NRXN3: variants seen among roughly 807,000 people sequenced by gnomAD.
NRXN3 encodes the protein neurexin III.
Under a neutral mutation model 137.6 loss-of-function variants are expected in NRXN3, and 32 were observed. The ratio of observed to expected loss-of-function variants is 0.23; its 90% CI spans 0.18 to 0.31. NRXN3 has a LOEUF of 0.31. Among genes scored for constraint, NRXN3 ranks in the 10% least tolerant of loss-of-function variants. NRXN3 has a pLI of 1.00. For missense variants in NRXN3, 1,574 were observed against 2,062.5 expected (o/e 0.76, Z 4.59); for synonymous variants, 798 against 784.5 (o/e 1.02, Z -0.29).
chr14:78,561,109 G>A (rs553698296), intron 4 of NRXN3, among the ~76,000 whole-genome samples: 14 of 152,310 alleles, frequency 9.2e-5, no homozygotes, highest in Middle Eastern at 3.4e-3. Context: ...TATCTTGGAC[G>A]TTCAGGGACC....
chr14:79,411,562 T>C (rs1048416157), intron 15 of NRXN3, among the ~76,000 whole-genome samples: 2 of 152,126 alleles, frequency 1.3e-5, no homozygotes, highest in African/African-American at 2.4e-5. Context: ...ATTATGACTC[T>C]ACATGCCCTT....
chr14:79,620,855 G>A (rs1487092870), intron 16 of NRXN3, among the ~76,000 whole-genome samples: 1 of 152,082 alleles, frequency 6.6e-6, no homozygotes, highest in African/African-American at 2.4e-5. Context: ...GAATGGATGA[G>A]ACCTGAAGGG....
intron 16 of NRXN3, among the ~76,000 whole-genome samples, chr14:79,485,963 G>A (rs879281828): frequency 7.9e-5 from 12 of 151,966 alleles, no homozygotes; most frequent in Admixed American, 6.6e-4. Flanking sequence ...TTCAAATATG[G>A]CTATGTAATA....
At chr14:78,572,039 C>T (rs2096894679) in intron 4 of NRXN3, among the ~76,000 whole-genome samples, 1 of 152,212 alleles carries the variant, frequency 6.6e-6, no homozygotes, top group African/African-American at 2.4e-5. Flanking sequence ...TGTGAGTAAA[C>T]ACAGAGCACT....
At position 78,350,220 on chromosome 14, in the gene NRXN3, C is replaced by T. The variant is rs375238368; in HGVS notation, c.757+52360C>T. On this transcript the variant is annotated intron_variant, in intron 4 of 20. Coordinates refer to ENST00000335750, the MANE Select transcript of NRXN3 (RefSeq NM_001330195.2). ...AGGAGAATTGCTTGAACCAGGGAGG[C>T]GGAGGTTGCAGTGAGCCGAGGTCAT... is the stretch of plus-strand genomic sequence containing the variant. 1.1e-3 allele frequency among the ~76,000 whole-genome samples: 164 copies of T among 151,230 alleles called. 1 individual carries two copies. In the Middle Eastern group the frequency reaches 0.02, roughly 19 times the overall value.
intron 15 of NRXN3, among the ~76,000 whole-genome samples, chr14:79,206,276 T>A (rs570100837): frequency 6.6e-6 from 1 of 152,212 alleles, no homozygotes; most frequent in African/African-American, 2.4e-5. Flanking sequence ...GTATTAATCC[T>A]TACAAGGGCC....
intron 4 of NRXN3, chr14:78,526,872 C>T (rs1414681269): frequency 4.4e-6 from 2 of 451,932 alleles, no homozygotes; most frequent in Non-Finnish European, 8.8e-6. Context: ...CCCAGAAATA[C>T]ACCAAAGAAG....
chr14:79,187,509 A>G (rs2063678464), intron 15 of NRXN3, among the ~76,000 whole-genome samples: 1 of 152,182 alleles, frequency 6.6e-6, no homozygotes, highest in African/African-American at 2.4e-5. Flanking sequence ...GCACCCCAGA[A>G]TAATTCTGTG....
intron 15 of NRXN3, among the ~76,000 whole-genome samples, chr14:79,135,417 A>G (rs1053110337): frequency 5.3e-5 from 8 of 152,328 alleles, no homozygotes; most frequent in Non-Finnish European, 8.8e-5. Flanking sequence ...AAAAATAAAC[A>G]CATAGATATG....
intron 8 of NRXN3, among the ~76,000 whole-genome samples, chr14:78,736,923 C>T (rs777201657): frequency 2.6e-5 from 4 of 151,572 alleles, no homozygotes; most frequent in Non-Finnish European, 5.9e-5. Context: ...ATGTGACCAT[C>T]GATTGAAAAT....
chr14:78,218,188 T>C (rs1409848652), intron 1 of NRXN3, among the ~76,000 whole-genome samples: 1 of 151,928 alleles, frequency 6.6e-6, no homozygotes, highest in African/African-American at 2.4e-5. Context: ...CAAGACCCTG[T>C]CTCTACAGAA....
chr14:79,590,853 A>T (rs571433325), intron 16 of NRXN3, among the ~76,000 whole-genome samples: 120 of 152,040 alleles, frequency 7.9e-4, no homozygotes, highest in Non-Finnish European at 1.6e-3. Flanking sequence ...TCAAATTTCA[A>T]TTTTTTTCTT....
chr14:78,184,973 G>C (rs1009907655), intron 1 of NRXN3, among the ~76,000 whole-genome samples: 3 of 152,212 alleles, frequency 2.0e-5, no homozygotes, highest in Non-Finnish European at 4.4e-5. Context: ...TACATCTGGG[G>C]CTGTATAGAG....
intron 16 of NRXN3, among the ~76,000 whole-genome samples, chr14:79,491,777 G>A (rs2153657921): frequency 6.6e-6 from 1 of 152,186 alleles, no homozygotes; most frequent in East Asian, 1.9e-4. Flanking sequence ...GGTTTAGGCA[G>A]GGCAATCTCC....
intron 10 of NRXN3, among the ~76,000 whole-genome samples, chr14:78,911,960 T>G (rs2887879): frequency 0.098 from 14,837 of 151,688 alleles, 1,908 homozygotes; most frequent in East Asian, 0.4. Context: ...AGGGTACATG[T>G]GCACAACGTG....
chr14:79,273,373 G>T (rs1271039540), intron 15 of NRXN3, among the ~76,000 whole-genome samples: 1 of 151,238 alleles, frequency 6.6e-6, no homozygotes. Flanking sequence ...GGTGGCTCAC[G>T]CCTGTAATCC....
chr14:78,936,949 A>G (rs184542683), intron 10 of NRXN3, among the ~76,000 whole-genome samples: 9 of 152,202 alleles, frequency 5.9e-5, no homozygotes, highest in Non-Finnish European at 8.8e-5. Flanking sequence ...TGTGGGGCAA[A>G]GTGGCTCACG....
At chr14:78,883,325 T>A (rs1007259291) in intron 10 of NRXN3, among the ~76,000 whole-genome samples, 3 of 152,052 alleles carry the variant, frequency 2.0e-5, no homozygotes, top group African/African-American at 7.2e-5. Flanking sequence ...TAAAGAAGAG[T>A]GACTGGAAGA....
intron 15 of NRXN3, among the ~76,000 whole-genome samples, chr14:79,181,319 A>G (rs1413367914): frequency 1.3e-5 from 2 of 152,158 alleles, no homozygotes; most frequent in African/African-American, 4.8e-5. Flanking sequence ...TAGGACAGAG[A>G]GAAACCTATG....
Sources: gnomAD v4.1 joint callset for allele counts (sites outside exome capture counted in the v4.1 genomes callset) on GRCh38, gnomAD v4.1.1 for gene constraint, MANE v1.5 for transcripts, NCBI Gene and HGNC (gene_info 2026-07-23, HGNC 2026-07-21) for gene names.